Variants in PTPRD observed in about 807,000 individuals in gnomAD.
PTPRD encodes the protein receptor-type tyrosine-protein phosphatase delta.
Under a neutral mutation model 214.5 loss-of-function variants are expected in PTPRD, and 34 were observed. That is an observed-to-expected ratio of 0.16 (90% confidence interval 0.12 to 0.21). The LOEUF is 0.21. Ranked by LOEUF, PTPRD falls within the 10% of genes least tolerant of loss-of-function variation. The pLI, the probability that PTPRD is intolerant of heterozygous loss-of-function variation, is 1.00. For synonymous variants in PTPRD, 1,128 were observed against 845.7 expected (o/e 1.33, Z -5.79); for missense variants, 2,545 against 2,398.7 (o/e 1.06, Z -1.27).
At chr9:8,651,722 G>GC (rs1370874615) in intron 12 of PTPRD, among the ~76,000 whole-genome samples, 1 of 152,070 alleles carries the variant, frequency 6.6e-6, no homozygotes, top group Non-Finnish European at 1.5e-5. Context: ...GGGAAGGGCC[G>GC]TTTTTTCTCC....
At chr9:8,423,456 T>A (rs1402838346) in intron 35 of PTPRD, among the ~76,000 whole-genome samples, 1 of 152,204 alleles carries the variant, frequency 6.6e-6, no homozygotes, top group Non-Finnish European at 1.5e-5. Flanking sequence ...AGCTTTTGTA[T>A]GAAATTAAGT....
chr9:10,181,196 G>C (rs2099280672), intron 3 of PTPRD, among the ~76,000 whole-genome samples: 1 of 151,976 alleles, frequency 6.6e-6, no homozygotes, highest in African/African-American at 2.4e-5. Context: ...GCTAAAAATA[G>C]GAGTTTGTTT....
At chr9:9,887,518 G>A (rs1158387330) in intron 5 of PTPRD, among the ~76,000 whole-genome samples, 1 of 152,100 alleles carries the variant, frequency 6.6e-6, no homozygotes, top group Non-Finnish European at 1.5e-5. Flanking sequence ...TGATCTTATG[G>A]TAAAGCCCAT....
At chr9:8,555,234 T>C (rs2083375647) in intron 14 of PTPRD, among the ~76,000 whole-genome samples, 2 of 151,984 alleles carry the variant, frequency 1.3e-5, no homozygotes, top group Admixed American at 6.6e-5. Context: ...CAAGACCCTG[T>C]CTGTATAAAA....
chr9:10,065,187 G>GAAAGAAAGAAAGAAAGAAAGA (rs1204307146), intron 3 of PTPRD, among the ~76,000 whole-genome samples: 1 of 151,776 alleles, frequency 6.6e-6, no homozygotes, highest in African/African-American at 2.4e-5. Context: ...AAGAAAGAAA[G>GAAAGAAAGAAAGAAAGAAAGA]AAAGAAAAGG....
chr9:10,458,306 A>AG (rs1169205078), intron 2 of PTPRD, among the ~76,000 whole-genome samples: 2 of 152,262 alleles, frequency 1.3e-5, no homozygotes, highest in Admixed American at 6.5e-5. Context: ...ACAAAATATT[A>AG]GCAAATTAAA....
intron 24 of PTPRD, among the ~76,000 whole-genome samples, 196 bp downstream of exon 24, chr9:8,500,558 G>GAA (rs146807692): frequency 0.069 from 984 of 14,330 alleles, 290 homozygotes; most frequent in Non-Finnish European, 0.083. Flanking sequence ...TGAAAAAAAT[G>GAA]AAAAAAAAAA....
At chr9:8,485,606 C>T in intron 28 of PTPRD, 156 bp downstream of exon 28, 1 of 708,414 alleles carries the variant, frequency 1.4e-6, no homozygotes, top group Non-Finnish European at 2.3e-6. Flanking sequence ...AAATCTAAGG[C>T]ATCCAAGACG....
At chr9:9,616,121 T>C (rs779657089) in intron 7 of PTPRD, among the ~76,000 whole-genome samples, 2 of 152,186 alleles carry the variant, frequency 1.3e-5, no homozygotes, top group Non-Finnish European at 2.9e-5. Context: ...TACGGTAATA[T>C]ACAGGCTCAT....
intron 7 of PTPRD, among the ~76,000 whole-genome samples, chr9:9,588,756 A>C (rs755918381): frequency 4.6e-5 from 7 of 152,002 alleles, no homozygotes; most frequent in Non-Finnish European, 8.8e-5. Flanking sequence ...CGGGAACTGC[A>C]TCAATATGTT....
At position 10,148,929 on chromosome 9, in the gene PTPRD, C is replaced by A. The variant is rs1464055020; in HGVS notation, c.-544-115139G>T. Among the ~76,000 whole-genome samples the A allele has an allele frequency of 2.6e-5, 4 of 152,230 alleles. No homozygotes were observed. The South Asian group carries it at 6.2e-4, about 24-fold the overall frequency. On this transcript the variant is annotated intron_variant, in intron 3 of 45. Transcript: ENST00000381196. The stretch of plus-strand genomic sequence containing the variant: ...CTATATTTAGCTTTTCTATATACTG[C>A]TAGAGCTGAATAGTAGCAGAGAGTG...
chr9:9,143,483 A>G (rs2099863615), intron 10 of PTPRD, among the ~76,000 whole-genome samples: 1 of 152,212 alleles, frequency 6.6e-6, no homozygotes, highest in Admixed American at 6.5e-5. Flanking sequence ...AAGATCAGGC[A>G]TTGAAAGGGA....
At chr9:8,958,699 T>C (rs1175108552) in intron 11 of PTPRD, 1 of 152,000 alleles carries the variant, frequency 6.6e-6, no homozygotes, top group Admixed American at 6.6e-5. Context: ...CAAGTGTTTT[T>C]CCTTTTTCCA....
chr9:9,008,489 G>C (rs1362786247), intron 11 of PTPRD, among the ~76,000 whole-genome samples: 1 of 151,912 alleles, frequency 6.6e-6, no homozygotes, highest in Non-Finnish European at 1.5e-5. Flanking sequence ...GCCTCCCAAA[G>C]TCCTGGGATT....
chr9:8,884,644 T>C (rs1321934263), intron 11 of PTPRD, among the ~76,000 whole-genome samples: 5 of 152,214 alleles, frequency 3.3e-5, no homozygotes, highest in Non-Finnish European at 1.5e-5. Flanking sequence ...TATAGCTAGT[T>C]GACTTCTGAA....
chr9:9,440,121 T>C (rs2086945167), intron 8 of PTPRD, among the ~76,000 whole-genome samples: 1 of 152,144 alleles, frequency 6.6e-6, no homozygotes, highest in African/African-American at 2.4e-5. Context: ...GAAAATATCA[T>C]TATATATAAG....
intron 5 of PTPRD, among the ~76,000 whole-genome samples, chr9:9,936,250 C>T (rs908598555): frequency 6.7e-6 from 1 of 148,350 alleles, no homozygotes; most frequent in Non-Finnish European, 1.5e-5. Flanking sequence ...AACTAAAGAG[C>T]TTCTGCACAG....
intron 10 of PTPRD, among the ~76,000 whole-genome samples, chr9:9,153,065 A>G (rs1381829024): frequency 6.6e-6 from 1 of 152,092 alleles, no homozygotes; most frequent in African/African-American, 2.4e-5. Context: ...TGCAATTCTC[A>G]TGTTAGTCTA....
chr9:8,448,143 G>T (rs913929482), intron 34 of PTPRD, among the ~76,000 whole-genome samples: 1 of 151,714 alleles, frequency 6.6e-6, no homozygotes, highest in Non-Finnish European at 1.5e-5. Flanking sequence ...TGTGCAACAC[G>T]GCCAAACTCC....
Sources: allele counts gnomAD v4.1 joint callset (sites outside exome capture counted in the v4.1 genomes callset), GRCh38; gene constraint gnomAD v4.1.1; transcripts MANE v1.5; gene names NCBI Gene and HGNC (gene_info 2026-07-23, HGNC 2026-07-21).